The following ZNF804B variants were observed in gnomAD, a reference collection of about 807,000 sequenced individuals.
ZNF804B encodes zinc finger protein 804B.
ZNF804B carries 80 observed loss-of-function variants against 101.4 expected under a neutral mutation model. The observed-to-expected ratio is 0.79, with a 90% CI of 0.66 to 0.95. The LOEUF is 0.95. ZNF804B is among the 40% of genes least tolerant of loss of function. The pLI, the probability that ZNF804B is intolerant of heterozygous loss-of-function variation, is 0.00. For synonymous variants in ZNF804B, 622 were observed against 558.8 expected, an observed-to-expected ratio of 1.11 and a Z score of -1.59; for missense variants, 1,673 against 1,561.9, an observed-to-expected ratio of 1.07 and a Z score of -1.20.
intron 1 of ZNF804B, among the ~76,000 whole-genome samples, chr7:88,832,607 A>C (rs1791149144): frequency 6.6e-6 from 1 of 151,962 alleles, no homozygotes; most frequent in Non-Finnish European, 1.5e-5. Context: ...TCCTGCAAAA[A>C]AAAAAATCTA....
chr7:88,922,706 A>G (rs571927533), intron 1 of ZNF804B, among the ~76,000 whole-genome samples: 3 of 152,142 alleles, frequency 2.0e-5, no homozygotes, highest in African/African-American at 7.2e-5. Flanking sequence ...GCTATTTACC[A>G]AAGTGACAGC....
At chr7:89,242,727 T>A (rs766650211) in intron 2 of ZNF804B, among the ~76,000 whole-genome samples, 1 of 151,926 alleles carries the variant, frequency 6.6e-6, no homozygotes, top group Non-Finnish European at 1.5e-5. Flanking sequence ...GCATACTTTT[T>A]CCAAAGCATA....
rs116836143 is a variant in ZNF804B, at chr7:89,059,120, A to G, written c.109-159035A>G. On this transcript the variant is annotated intron_variant, in intron 1 of 3. Coordinates refer to ENST00000333190, the MANE Select transcript of ZNF804B (RefSeq NM_181646.5). ...AATCCCAAAAAACAAAATCCTAAAT[A>G]TAAATATCGAAATCCTGAAACCCAA... is the stretch of plus-strand genomic sequence containing the variant. Among the ~76,000 whole-genome samples the G allele has an allele frequency of 8.0e-3, 1,219 of 152,280 alleles. 20 individuals carry two copies. The highest frequency in any genetic ancestry group is 0.028 in the African/African-American group (1,156 of 41,572).
chr7:88,829,169 T>A (rs1281720976), intron 1 of ZNF804B, among the ~76,000 whole-genome samples: 1 of 152,098 alleles, frequency 6.6e-6, no homozygotes. Context: ...ACTGTAGCCT[T>A]GAACTCCTGT....
chr7:88,895,527 G>A lies in ZNF804B; in HGVS notation c.108+135443G>A, dbSNP rs562420426. Among the ~76,000 whole-genome samples the A allele has an allele frequency of 2.6e-5, 4 of 152,280 alleles. No individual in the cohort carries two copies. The South Asian group carries it at 8.3e-4, about 32-fold the overall frequency. On this transcript the variant is annotated intron_variant, in intron 1 of 3. Transcript: ENST00000333190. ...TCCCTTCAGAGGGCCTAGAAGCGAT[G>A]ATACCCCATTAGCAATGAGCACATC...
intron 1 of ZNF804B, among the ~76,000 whole-genome samples, chr7:88,898,398 T>G (rs1189800458): frequency 3.9e-5 from 6 of 152,048 alleles, no homozygotes; most frequent in Non-Finnish European, 2.9e-5. Flanking sequence ...TTCTCCATTC[T>G]TATGGCTTCA....
intron 1 of ZNF804B, among the ~76,000 whole-genome samples, chr7:89,007,559 TCTA>T (rs1788387765): frequency 1.8e-5 from 1 of 56,670 alleles, no homozygotes; most frequent in Non-Finnish European, 3.9e-5. Flanking sequence ...TATATATTTA[TCTA>T]TTATAATTAT....
intron 1 of ZNF804B, among the ~76,000 whole-genome samples, chr7:89,011,777 T>C (rs1196170705): frequency 1.3e-5 from 2 of 152,118 alleles, no homozygotes; most frequent in Admixed American, 6.5e-5. Context: ...CCCTCGCAGC[T>C]TTTATGGGCT....
intron 1 of ZNF804B, among the ~76,000 whole-genome samples, chr7:89,186,638 A>T (rs984212392): frequency 1.3e-5 from 2 of 151,394 alleles, no homozygotes; most frequent in African/African-American, 4.9e-5. Context: ...CTTCTTTTGT[A>T]TATAAAAGGG....
chr7:89,285,546 A>AAAAAAAAAGAAGAAG (rs1554389597), intron 2 of ZNF804B, among the ~76,000 whole-genome samples: 1 of 93,420 alleles, frequency 1.1e-5, no homozygotes, highest in Admixed American at 1.2e-4. Flanking sequence ...AAAAAAAAAA[A>AAAAAAAAAGAAGAAG]AAGAAGAAGA....
At chr7:88,870,400 A>AAGAAAAAG (rs1554341921) in intron 1 of ZNF804B, among the ~76,000 whole-genome samples, 2 of 112,734 alleles carry the variant, frequency 1.8e-5, no homozygotes, top group African/African-American at 7.8e-5. Context: ...AAAAAAAAAA[A>AAGAAAAAG]AAAAAAAGGT....
intron 1 of ZNF804B, among the ~76,000 whole-genome samples, chr7:88,914,993 AC>A: frequency 6.6e-6 from 1 of 152,158 alleles, no homozygotes; most frequent in East Asian, 1.9e-4. Flanking sequence ...TTTTTAAAAA[AC>A]TTAAGTAGAA....
chr7:88,994,452 T>G (rs548517241), intron 1 of ZNF804B, among the ~76,000 whole-genome samples: 1 of 152,174 alleles, frequency 6.6e-6, no homozygotes, highest in African/African-American at 2.4e-5. Context: ...ACAATCAATT[T>G]GATTCCAGAA....
At chr7:89,016,366 CT>C (rs1266867972) in intron 1 of ZNF804B, among the ~76,000 whole-genome samples, 1 of 150,730 alleles carries the variant, frequency 6.6e-6, no homozygotes, top group Admixed American at 6.6e-5. Context: ...TCAATTTTGG[CT>C]TTTGTTGCCA....
At chr7:88,824,665 C>T (rs1392145398) in intron 1 of ZNF804B, among the ~76,000 whole-genome samples, 5 of 152,112 alleles carry the variant, frequency 3.3e-5, no homozygotes, top group Admixed American at 2.6e-4. Context: ...CACTATCTCC[C>T]ATAAGCTTGA....
chr7:88,948,306 ATTTTTTTTTT>A (rs68069374), intron 1 of ZNF804B, among the ~76,000 whole-genome samples: 1 of 92,702 alleles, frequency 1.1e-5, no homozygotes, highest in Non-Finnish European at 2.0e-5. Flanking sequence ...CCACCCATCC[ATTTTTTTTTT>A]TTTTTTTTTT....
At chr7:89,249,993 C>T (rs1398855008) in intron 2 of ZNF804B, among the ~76,000 whole-genome samples, 1 of 151,988 alleles carries the variant, frequency 6.6e-6, no homozygotes. Context: ...CAAGACCAGC[C>T]AGGCCAAGAT....
chr7:88,859,093 A>G (rs1048691500), intron 1 of ZNF804B, among the ~76,000 whole-genome samples: 2 of 152,006 alleles, frequency 1.3e-5, no homozygotes, highest in African/African-American at 4.8e-5. Flanking sequence ...TAATGAGCAT[A>G]TAGGTTTTAT....
At chr7:88,794,847 G>T (rs759518320) in intron 1 of ZNF804B, 11 of 1,613,544 alleles carry the variant, frequency 6.8e-6, no homozygotes, top group South Asian at 1.1e-5. Context: ...CTTCTTGAAA[G>T]TGCAGGTAAT....
Sources: allele counts gnomAD v4.1 joint callset (sites outside exome capture counted in the v4.1 genomes callset), GRCh38; gene constraint gnomAD v4.1.1; transcripts MANE v1.5; gene names NCBI Gene and HGNC (gene_info 2026-07-23, HGNC 2026-07-21).